Variants in DEAF1 observed in about 807,000 individuals in gnomAD.
The protein encoded by DEAF1 is DEAF1 transcription factor, also known as deformed epidermal autoregulatory factor 1 homolog.
In DEAF1, 53 loss-of-function variants were observed where a neutral mutation model predicts 58.9. The ratio of observed to expected loss-of-function variants is 0.90; its 90% CI spans 0.72 to 1.13. The LOEUF is 1.13. DEAF1 is among the 50% of genes most tolerant of loss of function. The probability of loss-of-function intolerance (pLI) is 0.00; values close to 1 mark genes in which losing one functional copy is unlikely to be tolerated. For missense variants in DEAF1, 685 were observed against 791.4 expected, an observed-to-expected ratio of 0.87 and a Z score of 1.61; for synonymous variants, 385 against 340.4, an observed-to-expected ratio of 1.13 and a Z score of -1.44.
chr11:654,686 T>A, intron 10 of DEAF1: 1 of 452,052 alleles, frequency 2.2e-6, no homozygotes, highest in Non-Finnish European at 4.4e-6. Flanking sequence ...ACAGGCAACG[T>A]TGCGAAACCC....
chr11:698,248 A>T (rs1250039957), upstream of DEAF1, among the ~76,000 whole-genome samples: 1 of 151,998 alleles, frequency 6.6e-6, no homozygotes, highest in Non-Finnish European at 1.5e-5. Flanking sequence ...AAAACCTCAG[A>T]ATCAAAAAGG....
In DEAF1 at chr11:679,904, T is replaced by TG. The variant is rs1307237698; in HGVS notation, c.998-89dup. ...TGCCACCCACGGGCGCCAATCCTTG[T>TG]GGGGGCCTGGGCTGAAGGGCGGGCA... is the stretch of plus-strand genomic sequence containing the variant. On this transcript the variant is annotated intron_variant, in intron 7 of 11. Coordinates refer to ENST00000382409, the MANE Select transcript of DEAF1 (RefSeq NM_021008.4). 7 of 1,577,540 alleles carry TG rather than the reference T, an allele frequency of 4.4e-6. No individual in the cohort carries two copies. The East Asian group carries it at 1.6e-4, about 36-fold the overall frequency.
chr11:703,406 A>AGGAGC, intron 1 of DEAF1: 1 of 1,344,000 alleles, frequency 7.4e-7, no homozygotes, highest in Non-Finnish European at 9.5e-7. Flanking sequence ...GATGAGTCCC[A>AGGAGC]GGAGCGCACA....
intron 10 of DEAF1, among the ~76,000 whole-genome samples, chr11:662,332 T>C (rs1034310166): frequency 6.6e-6 from 1 of 152,184 alleles, no homozygotes. Flanking sequence ...CCAATTCCTC[T>C]TCTTGCAGTG....
chr11:665,836 C>T (rs1431477066), intron 10 of DEAF1: 1 of 152,184 alleles, frequency 6.6e-6, no homozygotes, highest in African/African-American at 2.4e-5. Context: ...CTGCAGTCAC[C>T]CTGGCCAGAG....
rs1028937439 is a variant in DEAF1, at chr11:703,887, A to C, written c.-438+2685T>G. ...AGGGCCACATTCGGAGCCTCCGTCC[A>C]CTCCAGTTTTATCAGCTTTTGCCTT... On this transcript the variant is annotated intron_variant, in intron 1 of 11. Coordinates refer to the DEAF1 transcript ENST00000683307. The C allele has an allele frequency of 1.5e-5, 19 of 1,239,572 alleles. No individual in the cohort carries two copies. The African/African-American group carries it at 2.5e-4, about 16-fold the overall frequency. 76.8% of individuals were successfully genotyped at this position (1,239,572 alleles called of 1,614,324 possible). A position where few individuals can be genotyped will look rare whatever the true frequency, so the allele number is the denominator to read the frequency against.
At chr11:654,579 G>A (rs1858955205) in intron 10 of DEAF1, 1 of 455,210 alleles carries the variant, frequency 2.2e-6, no homozygotes, top group Non-Finnish European at 4.4e-6. Flanking sequence ...TTCATTCACT[G>A]GAAGACCAGT....
intron 1 of DEAF1, chr11:692,440 G>A (rs1054549751): frequency 6.5e-6 from 1 of 154,474 alleles, no homozygotes; most frequent in African/African-American, 2.4e-5. Context: ...CTGTCACCCA[G>A]AGTTCTAGAA....
rs918930595 is a variant in DEAF1, at chr11:681,178, GGTGT to G, written c.871-93_871-90del. The G allele has an allele frequency of 4.1e-5, 65 of 1,573,266 alleles. No individual in the cohort carries two copies. The Middle Eastern group carries it at 1.8e-3, about 44-fold the overall frequency. ...TCCTCCTTAAGTGGGGGCACCGCGG[GGTGT>G]GTGAGTCACATGGTGAGACCACATT... On this transcript the variant is annotated intron_variant, in intron 6 of 11. Coordinates refer to ENST00000382409, the MANE Select transcript of DEAF1 (RefSeq NM_021008.4).
chr11:703,767 C>T, intron 1 of DEAF1: 4 of 1,232,970 alleles, frequency 3.2e-6, no homozygotes, highest in Non-Finnish European at 4.0e-6. Context: ...TGCTGCCTAG[C>T]AATTTCCATC....
chr11:678,491 C>G (rs1360863774), intron 9 of DEAF1: 5 of 696,234 alleles, frequency 7.2e-6, no homozygotes, highest in Non-Finnish European at 1.2e-5. Context: ...CCACAGCACA[C>G]ACATGAATGG....
upstream of DEAF1, chr11:700,193 G>A (rs140467794): frequency 3.1e-4 from 503 of 1,614,088 alleles, 3 homozygotes; most frequent in African/African-American, 5.0e-3. Context: ...AACGTACTAC[G>A]CCCTGTATTT....
At chr11:645,386 G>A (rs978975898) in intron 11 of DEAF1, among the ~76,000 whole-genome samples, 11 of 126,504 alleles carry the variant, frequency 8.7e-5, no homozygotes, top group East Asian at 8.6e-4. Context: ...GCGCAATCTC[G>A]GCTCACCACG....
rs1399814377 is a variant in DEAF1 at position 653,946 on chromosome 11, TGTA to T, written c.1593+13_1593+15del. On this transcript the variant is annotated intron_variant, in intron 11 of 11. Coordinates refer to ENST00000382409, the MANE Select transcript of DEAF1 (RefSeq NM_021008.4). ...GAGGAGGCGGGGGCACTGAGCCTGG[TGTA>T]GGTGAGACCTACCTTGCGTTGGCAG... 1 of 1,611,388 alleles carries T rather than the reference TGTA, an allele frequency of 6.2e-7. No individual in the cohort carries two copies. The highest frequency in any genetic ancestry group is 8.5e-7 in the Non-Finnish European group (1 of 1,177,776).
chr11:659,910 G>A (rs998216471), intron 10 of DEAF1, among the ~76,000 whole-genome samples: 8 of 152,198 alleles, frequency 5.3e-5, no homozygotes, highest in African/African-American at 1.9e-4. Flanking sequence ...GAGTCCCAGC[G>A]TCACCCTGCA....
intron 10 of DEAF1, chr11:674,335 A>G: frequency 1.3e-6 from 1 of 761,896 alleles, no homozygotes. Flanking sequence ...TACAAAAACC[A>G]AAACCACCTT....
chr11:668,152 T>C (rs944164905), intron 10 of DEAF1, among the ~76,000 whole-genome samples: 1 of 152,106 alleles, frequency 6.6e-6, no homozygotes, highest in Non-Finnish European at 1.5e-5. Flanking sequence ...CAGAATTCCA[T>C]GTCACTCAAA....
rs748012006 is a variant in DEAF1, at chr11:680,998, T to C, written c.962A>G (p.Asn321Ser). Residue 321 changes from asparagine (N) to serine (S), a missense_variant, in exon 7 of 12, where the codon AAC (asparagine) becomes AGC (serine). Asn to Ser is a conservative substitution (Grantham distance 46, BLOSUM62 1). This residue lies in a region of DEAF1 where 343 missense variants were observed against 379.8 expected (regional missense o/e 0.90). Transcript: ENST00000382409. ...TTPVKKDSPK[N>S]ITLLPATAAT... The stretch of plus-strand genomic sequence containing the variant: ...CGCGGTGGCTGGAAGCAATGTGATG[T>C]TCTTGGGGGAGTCCTTCTTCACGGG... The C allele has an allele frequency of 3.1e-6, 5 of 1,614,024 alleles. No individual in the cohort carries two copies. The highest frequency in any genetic ancestry group is 1.7e-5 in the Admixed American group (1 of 59,992).
chr11:678,433 C>T (rs1433821215), intron 9 of DEAF1: 4 of 428,130 alleles, frequency 9.3e-6, no homozygotes, highest in South Asian at 8.1e-5. Context: ...GCTTCACAGG[C>T]CAACTGGTTT....
Sources: allele counts gnomAD v4.1 joint callset (sites outside exome capture counted in the v4.1 genomes callset), GRCh38; gene constraint gnomAD v4.1.1; regional missense constraint gnomAD v4.1.1; transcripts MANE v1.5; gene names NCBI Gene and HGNC (gene_info 2026-07-23, HGNC 2026-07-21).